ALDH1L1: variants seen among roughly 807,000 people sequenced by gnomAD.
The protein encoded by ALDH1L1 is cytosolic 10-formyltetrahydrofolate dehydrogenase.
ALDH1L1 carries 68 observed loss-of-function variants against 101.1 expected under a neutral mutation model. The observed-to-expected ratio is 0.67, with a 90% CI of 0.55 to 0.82. ALDH1L1 has a LOEUF of 0.82. Among genes scored for constraint, ALDH1L1 ranks in the 40% least tolerant of loss-of-function variants. ALDH1L1 has a pLI of 0.00. For missense variants in ALDH1L1, 1,087 were observed against 1,172.7 expected (o/e 0.93, Z 1.07); for synonymous variants, 486 against 470.8 (o/e 1.03, Z -0.42).
At chr3:126,135,458 T>C (rs1181115034) in intron 12 of ALDH1L1, 77 bp downstream of exon 12, 1 of 1,550,218 alleles carries the variant, frequency 6.5e-7, no homozygotes, top group Admixed American at 1.8e-5. Context: ...TAAAAGGGCC[T>C]CCACAGAAGT....
chr3:126,143,659 T>A (rs1414034236), intron 9 of ALDH1L1, among the ~76,000 whole-genome samples: 1 of 152,214 alleles, frequency 6.6e-6, no homozygotes, highest in East Asian at 1.9e-4. Context: ...ATCTTACATG[T>A]AGAAATCTTT....
intron 9 of ALDH1L1, among the ~76,000 whole-genome samples, chr3:126,141,522 G>A (rs1432421166): frequency 6.6e-6 from 1 of 151,966 alleles, no homozygotes; most frequent in Non-Finnish European, 1.5e-5. Context: ...AATCAAAATG[G>A]AATGAGACTA....
chr3:126,127,042 T>C (rs1161291670), intron 14 of ALDH1L1, among the ~76,000 whole-genome samples: 3 of 152,112 alleles, frequency 2.0e-5, no homozygotes, highest in Admixed American at 2.0e-4. Context: ...CTCACAGCCC[T>C]CATGTGGAAA....
In ALDH1L1 at chr3:126,121,616, T is replaced by C. The variant is rs1185610659; in HGVS notation, c.1888+2748A>G. ...AGGGAAACCACTATCCTGGTGAAGA[T>C]GATCTAAAAACAACCACTTAAACTC... On this transcript the variant is annotated intron_variant, in intron 16 of 22. Coordinates refer to ENST00000393434, the MANE Select transcript of ALDH1L1 (RefSeq NM_012190.4). 2.6e-5 allele frequency among the ~76,000 whole-genome samples: 4 copies of C among 152,160 alleles called. No individual in the cohort carries two copies. In the East Asian group the frequency reaches 7.7e-4, roughly 29 times the overall value.
intron 3 of ALDH1L1, among the ~76,000 whole-genome samples, chr3:126,157,735 C>T (rs1672762362): frequency 6.6e-6 from 1 of 152,184 alleles, no homozygotes; most frequent in Non-Finnish European, 1.5e-5. Context: ...ACTGAGTCCT[C>T]ACAGCAGGGA....
rs201232068 is a variant in ALDH1L1 at position 126,136,850 on chromosome 3, T to A, written c.1258A>T (p.Met420Leu). ...EMAVNKRTVR[M>L]PHQLFIGGEF... ...CCCCCAATGAAGAGCTGGTGGGGCA[T>A]GCGGACAGTGCGCTTGTTCACTGCC... The change falls in exon 11 of 23, where the codon ATG (methionine) becomes TTG (leucine). Residue 420 changes from methionine (M) to leucine (L), a missense_variant. Transcript: ENST00000393434. 44 of 1,612,712 alleles carry A rather than the reference T, an allele frequency of 2.7e-5. No homozygotes were observed. In the East Asian group the frequency reaches 9.6e-4, roughly 35 times the overall value.
At chr3:126,163,731 T>C (rs1576480982) in intron 1 of ALDH1L1, among the ~76,000 whole-genome samples, 1 of 152,254 alleles carries the variant, frequency 6.6e-6, no homozygotes, top group Non-Finnish European at 1.5e-5. Context: ...TTAAGCCACC[T>C]TTGCATTCTT....
At chr3:126,138,092 G>T (rs913734866) in intron 9 of ALDH1L1, 132 bp from the exon 10 acceptor site, 1 of 1,152,820 alleles carries the variant, frequency 8.7e-7, no homozygotes, top group Non-Finnish European at 1.2e-6. Flanking sequence ...CATGAGCCCA[G>T]AACTGGGGAG....
At chr3:126,157,314 G>C (rs756289340) in intron 4 of ALDH1L1, 29 bp downstream of exon 4, 2 of 1,594,358 alleles carry the variant, frequency 1.3e-6, no homozygotes, top group Non-Finnish European at 1.7e-6. Flanking sequence ...GTCGGGGCGG[G>C]CAGGGCGCGG....
chr3:126,187,627 G>T (rs1466596723), intron 1 of ALDH1L1, among the ~76,000 whole-genome samples: 1 of 152,160 alleles, frequency 6.6e-6, no homozygotes, highest in African/African-American at 2.4e-5. Flanking sequence ...CAAGAAGCAG[G>T]CACGGAGGAA....
At chr3:126,197,555 T>C (rs2081588487) in intron 1 of ALDH1L1, among the ~76,000 whole-genome samples, 1 of 152,210 alleles carries the variant, frequency 6.6e-6, no homozygotes, top group Non-Finnish European at 1.5e-5. Context: ...ATCAAATCCA[T>C]TCCTGGACCC....
intron 1 of ALDH1L1, among the ~76,000 whole-genome samples, chr3:126,197,557 C>T (rs2081588495): frequency 6.6e-6 from 1 of 152,150 alleles, no homozygotes; most frequent in Admixed American, 6.5e-5. Flanking sequence ...CAAATCCATT[C>T]CTGGACCCAG....
intron 12 of ALDH1L1, among the ~76,000 whole-genome samples, chr3:126,134,223 G>T (rs925098822): frequency 5.3e-5 from 8 of 152,160 alleles, no homozygotes; most frequent in African/African-American, 1.9e-4. Context: ...GTCTTCACGG[G>T]GCCTGAGAGT....
chr3:126,119,198 G>A (rs981485865), intron 16 of ALDH1L1, among the ~76,000 whole-genome samples: 8 of 151,978 alleles, frequency 5.3e-5, no homozygotes, highest in Non-Finnish European at 1.0e-4. Flanking sequence ...GGCTTCCAAG[G>A]GCCATCTTCA....
chr3:126,189,500 T>C (rs1263046454), intron 1 of ALDH1L1, among the ~76,000 whole-genome samples: 1 of 152,130 alleles, frequency 6.6e-6, no homozygotes, highest in East Asian at 1.9e-4. Flanking sequence ...CCAGCCAAGG[T>C]TCAAGGCCCC....
At position 126,135,570 on chromosome 3, in the gene ALDH1L1, C is replaced by T; in HGVS notation, c.1437G>A (p.Lys479=). 1 of 1,604,184 alleles carries T rather than the reference C, an allele frequency of 6.2e-7. No homozygotes were observed. Among genetic ancestry groups the T allele is most frequent in the South Asian group, 1.1e-5 (1 of 89,354 alleles). ...GCCGGCCCCGGTCCCGCGCACTGAT[C>T]TTCCCCCACCGTCCATTCTCAAAGG... ...KDAFENGRWG[K]ISARDRGRLM... The change falls in exon 12 of 23, where the codon AAG becomes AAA. Residue 479 remains lysine, a synonymous_variant. Transcript: ENST00000393434.
rs72965991 is a variant in ALDH1L1 at position 126,125,122 on chromosome 3, G to A, written c.1800+494C>T. 7.6e-3 allele frequency among the ~76,000 whole-genome samples: 1,150 copies of A among 152,154 alleles called. 12 individuals are homozygous for A. The highest frequency in any genetic ancestry group is 0.026 in the African/African-American group (1,095 of 41,516). On this transcript the variant is annotated intron_variant, in intron 15 of 22. Coordinates refer to ENST00000393434, the MANE Select transcript of ALDH1L1 (RefSeq NM_012190.4). ...ATGCCTGGGTGACCCCTGACATCCC[G>A]CCTCTACTCCCCCACCTACACCTCT...
At chr3:126,175,000 G>A (rs1438717841) in intron 1 of ALDH1L1, among the ~76,000 whole-genome samples, 1 of 151,998 alleles carries the variant, frequency 6.6e-6, no homozygotes, top group East Asian at 1.9e-4. Flanking sequence ...CCTCTAGCCA[G>A]GTTAACTAAG....
chr3:126,114,791 A>ACCCCCCCCCC (rs2079922101), intron 17 of ALDH1L1, 135 bp from the exon 18 acceptor site: 14 of 601,286 alleles, frequency 2.3e-5, no homozygotes, highest in Admixed American at 2.8e-5. Context: ...GTGCCTCCCC[A>ACCCCCCCCCC]CTCCCCCCCA....
Sources: gnomAD v4.1 joint callset for allele counts (sites outside exome capture counted in the v4.1 genomes callset) on GRCh38, gnomAD v4.1.1 for gene constraint, MANE v1.5 for transcripts, NCBI Gene and HGNC (gene_info 2026-07-23, HGNC 2026-07-21) for gene names.